Variants in DIDO1 observed in about 807,000 individuals in gnomAD.
DIDO1 encodes the protein death-inducer obliterator 1.
A neutral mutation model predicts 99.4 loss-of-function variants in DIDO1; 16 were observed. That is an observed-to-expected ratio of 0.16 (90% confidence interval 0.11 to 0.24). DIDO1 has a LOEUF of 0.24. DIDO1 is among the 10% of genes least tolerant of loss of function. The probability of loss-of-function intolerance (pLI) is 1.00; values close to 1 mark genes in which losing one functional copy is unlikely to be tolerated. For synonymous variants in DIDO1, 1,366 were observed against 1,239.1 expected, an observed-to-expected ratio of 1.10 and a Z score of -2.15; for missense variants, 2,996 against 3,014.0, an observed-to-expected ratio of 0.99 and a Z score of 0.14.
chr20:62,891,381 G>A (rs1278053383), intron 14 of DIDO1, among the ~76,000 whole-genome samples: 1 of 152,164 alleles, frequency 6.6e-6, no homozygotes, highest in Non-Finnish European at 1.5e-5. Context: ...CGGTCACGAG[G>A]AACCAGCTGC....
chr20:62,887,780 A>C (rs1195883280), intron 15 of DIDO1: 2 of 985,432 alleles, frequency 2.0e-6, no homozygotes, highest in East Asian at 2.3e-4. Flanking sequence ...TGCGACCCCA[A>C]GTCCCTGCGG....
At chr20:62,923,437 G>C (rs1339764992) in intron 1 of DIDO1, among the ~76,000 whole-genome samples, 1 of 152,096 alleles carries the variant, frequency 6.6e-6, no homozygotes, top group Non-Finnish European at 1.5e-5. Context: ...GCCTCCCAAA[G>C]TGCTGGGATT....
chr20:62,926,103 C>T (rs1442105857), intron 1 of DIDO1, among the ~76,000 whole-genome samples: 1 of 152,110 alleles, frequency 6.6e-6, no homozygotes, highest in Non-Finnish European at 1.5e-5. Context: ...CTGCGCTCTT[C>T]CCCGCGAGCG....
At chr20:62,884,228 T>C (rs1188344426) in intron 15 of DIDO1, among the ~76,000 whole-genome samples, 2 of 152,126 alleles carry the variant, frequency 1.3e-5, no homozygotes, top group African/African-American at 4.8e-5. Flanking sequence ...TTCAAAGATA[T>C]TCCCAACGTC....
In DIDO1 at chr20:62,880,513, G is replaced by A; in HGVS notation, c.5443C>T (p.His1815Tyr). 6.2e-7 allele frequency: 1 copy of A among 1,612,988 alleles called. No homozygotes were observed. Among genetic ancestry groups the A allele is most frequent in the Non-Finnish European group, 8.5e-7 (1 of 1,179,976 alleles). Residue 1815 changes from histidine to tyrosine, a missense_variant, in exon 16 of 16, where the codon CAT becomes TAT. Transcript: ENST00000395343. ...CTGTCCCCATAAGGAGGTGGCCCAT[G>A]TTGCCCCGAGAATAAGGAAGGGATG... is the stretch of plus-strand genomic sequence containing the variant. ...GPIPSLFSGQ[H>Y]GPPPYGDSRG... is the part of the protein sequence containing the mutation.
At position 62,881,018 on chromosome 20, in the gene DIDO1, C is replaced by G. The variant is rs781720293; in HGVS notation, c.4938G>C (p.Thr1646=). The part of the protein sequence containing the change: ...AEPGEGTRPA[T]VGDSSARPAR... The stretch of plus-strand genomic sequence containing the variant: ...CAGGCCTGGCCGAGCTGTCTCCAAC[C>G]GTGGCGGGGCGGGTGCCCTCCCCAG... The change falls in exon 16 of 16, where the codon ACG becomes ACC. Residue 1646 remains threonine, a synonymous_variant. Coordinates refer to ENST00000395343, the MANE Select transcript of DIDO1 (RefSeq NM_001193369.2). This position sits in a 1 kb window ranked among gnomAD's most constrained non-coding sequence, Gnocchi z 8.3. The G allele has an allele frequency of 1.9e-6, 3 of 1,604,660 alleles. No individual in the cohort carries two copies. The highest frequency in any genetic ancestry group is 1.7e-6 in the Non-Finnish European group (2 of 1,178,282).
chr20:62,932,876 G>A (rs1004063996), intron 1 of DIDO1, among the ~76,000 whole-genome samples: 12 of 152,226 alleles, frequency 7.9e-5, no homozygotes, highest in African/African-American at 2.9e-4. Context: ...CACCAGTGAA[G>A]ATTCTTTACA....
intron 15 of DIDO1, chr20:62,888,016 T>C (rs753287240): frequency 2.9e-5 from 29 of 985,344 alleles, no homozygotes; most frequent in African/African-American, 1.0e-4. Flanking sequence ...TGCTGTGAAC[T>C]GCATGGCTCC....
At chr20:62,910,057 T>C (rs1669616928) in intron 3 of DIDO1, 37 bp from the exon 4 acceptor site, 1 of 1,582,634 alleles carries the variant, frequency 6.3e-7, no homozygotes, top group Non-Finnish European at 8.6e-7. Context: ...CAATGGGACG[T>C]GAGTGACAAG....
chr20:62,919,067 G>A (rs185724011), intron 1 of DIDO1, among the ~76,000 whole-genome samples: 230 of 152,246 alleles, frequency 1.5e-3, no homozygotes, highest in African/African-American at 5.1e-3. Context: ...ACCAGCTTGC[G>A]GCAGGAAACA....
At chr20:62,915,020 G>C (rs1474977447) in intron 1 of DIDO1, among the ~76,000 whole-genome samples, 3 of 152,080 alleles carry the variant, frequency 2.0e-5, no homozygotes, top group Non-Finnish European at 2.9e-5. Context: ...AAGGTTCCAG[G>C]TGCCGAGTTT....
intron 15 of DIDO1, chr20:62,888,331 C>A (rs564388323): frequency 2.0e-6 from 2 of 985,500 alleles, no homozygotes; most frequent in East Asian, 2.3e-4. Context: ...CCTTAACATC[C>A]CCAGGGGAAG....
intron 15 of DIDO1, chr20:62,888,233 C>T: frequency 1.0e-6 from 1 of 985,532 alleles, no homozygotes; most frequent in South Asian, 4.7e-5. Context: ...GAGGCATGGA[C>T]ACCTGCAATT....
chr20:62,902,174 C>T (rs998321489), intron 6 of DIDO1, among the ~76,000 whole-genome samples: 7 of 152,284 alleles, frequency 4.6e-5, no homozygotes, highest in South Asian at 2.1e-4. Flanking sequence ...GGGACTTCAC[C>T]GTGCAGGGTC....
rs757810566 is a variant in DIDO1, at chr20:62,910,979, C to G, written c.634G>C (p.Val212Leu). 1.2e-6 allele frequency: 2 copies of G among 1,614,016 alleles called. No individual in the cohort carries two copies. Among genetic ancestry groups the G allele is most frequent in the African/African-American group, 2.7e-5 (2 of 74,932 alleles). ...GSEASDTVEG[V>L]LPSKQEPEND... Reference sequence around the variant, plus strand: ...TCGGGCTCCTGCTTACTGGGCAGGACGCCCTCCACAGTGTCACTGGCCTCG... The same window carrying G: ...TCGGGCTCCTGCTTACTGGGCAGGAGGCCCTCCACAGTGTCACTGGCCTCG... Residue 212 changes from valine (V) to leucine (L), a missense_variant, in exon 3 of 16, where the codon GTC becomes CTC. By Grantham distance (32) the Val-to-Leu change is conservative. Coordinates refer to ENST00000395343, the MANE Select transcript of DIDO1 (RefSeq NM_001193369.2).
intron 8 of DIDO1, 66 bp from the exon 9 acceptor site, chr20:62,895,231 G>A: frequency 2.8e-6 from 4 of 1,441,684 alleles, no homozygotes; most frequent in East Asian, 2.3e-5. Context: ...GAGAGCTTCT[G>A]GAAAACACAG....
At chr20:62,889,644 G>A (rs751275902) in intron 15 of DIDO1, 11 of 985,242 alleles carry the variant, frequency 1.1e-5, no homozygotes, top group African/African-American at 7.0e-5. Flanking sequence ...CAGGAGGGCC[G>A]GGCTTTTCCT....
In DIDO1 at chr20:62,880,165, G is replaced by A. The variant is rs1460185536; in HGVS notation, c.5791C>T (p.Pro1931Ser). Residue 1931 changes from proline (P) to serine (S), a missense_variant, in exon 16 of 16, where the codon CCT (proline) becomes TCT (serine). Around this residue, in one of 5 missense-constraint regions of DIDO1, gnomAD observed 1,562 missense variants for 1,412.6 expected, o/e 1.11. Coordinates refer to ENST00000395343, the MANE Select transcript of DIDO1 (RefSeq NM_001193369.2). ...CCCCGGGCAGTTTCAAACTGACTAG[G>A]ATGGGGCCCTCTTGGGCCCACGAAA... ...GHFVGPRGPHPSQFETARGPH... is the reference protein window; with the variant it reads ...GHFVGPRGPHSSQFETARGPH... The A allele has an allele frequency of 6.2e-6, 10 of 1,612,348 alleles. No homozygotes were observed. Among genetic ancestry groups the A allele is most frequent in the Admixed American group, 1.7e-5 (1 of 59,992 alleles).
chr20:62,917,556 G>A (rs2065061537), intron 1 of DIDO1, among the ~76,000 whole-genome samples: 1 of 152,110 alleles, frequency 6.6e-6, no homozygotes, highest in African/African-American at 2.4e-5. Flanking sequence ...GTTCTGTCAG[G>A]GACAGACAGC....
Sources: gnomAD v4.1 joint callset for allele counts (sites outside exome capture counted in the v4.1 genomes callset) on GRCh38, gnomAD v4.1.1 for gene constraint, gnomAD v4.1.1 regional missense constraint, Gnocchi (gnomAD v3.1) non-coding constraint, MANE v1.5 for transcripts, NCBI Gene and HGNC (gene_info 2026-07-23, HGNC 2026-07-21) for gene names.